MAST3: variants seen among roughly 807,000 people sequenced by gnomAD.
The protein encoded by MAST3 is microtubule associated serine/threonine kinase 3.
Under a neutral mutation model 127.0 loss-of-function variants are expected in MAST3, and 43 were observed. The observed-to-expected ratio is 0.34, with a 90% CI of 0.27 to 0.44. MAST3 has a LOEUF of 0.44. Ranked by LOEUF, MAST3 falls within the 20% of genes least tolerant of loss-of-function variation. The pLI, the probability that MAST3 is intolerant of heterozygous loss-of-function variation, is 1.00. For missense variants in MAST3, 1,390 were observed against 1,919.1 expected (o/e 0.72, Z 5.15); for synonymous variants, 785 against 809.2 (o/e 0.97, Z 0.51).
At chr19:18,143,379 C>T (rs905629337) in intron 21 of MAST3, among the ~76,000 whole-genome samples, 4 of 152,138 alleles carry the variant, frequency 2.6e-5, no homozygotes, top group Non-Finnish European at 4.4e-5. Flanking sequence ...AATTCAAGAC[C>T]AGTCTGGCCA....
Position 18,145,924 on chromosome 19 carries a change from C to T in MAST3, c.3162+59C>T, listed in dbSNP as rs943165515. ...CCCAGCACCCCTTGGCCGCAGCTCC[C>T]GGTTCCCCGTGGTTCTCCGCGTCCA... On this transcript the variant is annotated intron_variant, in intron 25 of 27. Transcript: ENST00000687212. This position sits in a 1 kb window ranked among gnomAD's most constrained non-coding sequence, Gnocchi z 5.9. 2.2e-5 allele frequency: 34 copies of T among 1,511,528 alleles called. No homozygotes were observed. The South Asian group carries it at 3.0e-4, about 13-fold the overall frequency. The allele number at this position is 1,511,528 out of a possible 1,614,324, so 93.6% of individuals were successfully genotyped here. A position where few individuals can be genotyped will look rare whatever the true frequency, so the allele number is the denominator to read the frequency against.
chr19:18,135,854 G>A lies in MAST3; in HGVS notation c.1972+13G>A, dbSNP rs1240155706. Reference sequence around the variant, plus strand: ...CGTCTGGGCACTGGTATGTAGTGTGGGGGAGAACCCAGGTGGGTGGCTCCT... The same window carrying A: ...CGTCTGGGCACTGGTATGTAGTGTGAGGGAGAACCCAGGTGGGTGGCTCCT... On this transcript the variant is annotated intron_variant, in intron 18 of 27. Coordinates refer to ENST00000687212, the MANE Select transcript of MAST3 (RefSeq NM_001393504.1). 1.9e-6 allele frequency: 3 copies of A among 1,586,480 alleles called. No individual in the cohort carries two copies. Among genetic ancestry groups the A allele is most frequent in the Non-Finnish European group, 1.7e-6 (2 of 1,163,392 alleles).
At chr19:18,133,724 T>C (rs1328462550) in intron 15 of MAST3, among the ~76,000 whole-genome samples, 1 of 152,036 alleles carries the variant, frequency 6.6e-6, no homozygotes, top group Non-Finnish European at 1.5e-5. Context: ...CAGATAATTT[T>C]TGTATTTTTA....
intron 5 of MAST3, among the ~76,000 whole-genome samples, 199 bp from the exon 6 acceptor site, chr19:18,122,473 CG>C (rs55849352): frequency 0.073 from 10,880 of 149,968 alleles, 1,273 homozygotes; most frequent in African/African-American, 0.25. Flanking sequence ...GCTGGACTCA[CG>C]GGGGGGCTTC....
At chr19:18,111,284 A>G (rs1260119532) in intron 3 of MAST3, among the ~76,000 whole-genome samples, 1 of 131,514 alleles carries the variant, frequency 7.6e-6, no homozygotes, top group Non-Finnish European at 1.6e-5. Context: ...GATTCAGTCC[A>G]TCCCCCGGGG....
chr19:18,135,793 C>T lies in MAST3; in HGVS notation c.1924C>T (p.Leu642Phe). The T allele has an allele frequency of 6.2e-7, 1 of 1,612,198 alleles. No individual in the cohort carries two copies. Among genetic ancestry groups the T allele is most frequent in the Non-Finnish European group, 8.5e-7 (1 of 1,179,136 alleles). Residue 642 changes from leucine to phenylalanine, a missense_variant, in exon 18 of 28, where the codon CTC becomes TTC. Around this residue, in one of 5 missense-constraint regions of MAST3, gnomAD observed 191 missense variants for 409.0 expected, o/e 0.47. Transcript: ENST00000687212. ...DEALPADAQD[L>F]ITRLLRQSPL... is the part of the protein sequence containing the mutation. The stretch of plus-strand genomic sequence containing the variant: ...GGCCCTTCCAGCAGACGCCCAGGAC[C>T]TCATCACCAGGTTGCTCCGGCAGAG...
intron 19 of MAST3, 21 bp from the exon 20 acceptor site, chr19:18,138,994 A>G (rs770422069): frequency 6.6e-7 from 1 of 1,517,850 alleles, no homozygotes; most frequent in South Asian, 1.2e-5. Flanking sequence ...GGCGTGCTGC[A>G]TGTGCCTCTC....
chr19:18,125,623 C>T (rs1250376878), intron 11 of MAST3, among the ~76,000 whole-genome samples: 1 of 151,358 alleles, frequency 6.6e-6, no homozygotes. Flanking sequence ...TGCCTGTAAT[C>T]CCAGCTACTC....
chr19:18,144,818 A>G lies in MAST3; in HGVS notation c.2812+125A>G, dbSNP rs992654076. ...GAAGAGGGGAGGAGGAGTAGGACAC[A>G]TGGAGAGCTGGGGAGATGGTGTTCC... On this transcript the variant is annotated intron_variant, in intron 23 of 27. Transcript: ENST00000687212. The surrounding 1 kb of genome is among the most constrained non-coding windows in gnomAD (Gnocchi z 4.0). The G allele has an allele frequency of 3.7e-6, 4 of 1,094,826 alleles. No homozygotes were observed. Among genetic ancestry groups the G allele is most frequent in the Non-Finnish European group, 5.4e-6 (4 of 738,826 alleles). 67.8% of individuals were successfully genotyped at this position (1,094,826 alleles called of 1,614,324 possible).
At chr19:18,142,420 C>T (rs186457208) in intron 21 of MAST3, among the ~76,000 whole-genome samples, 2,536 of 143,034 alleles carry the variant, frequency 0.018, 81 homozygotes, top group African/African-American at 0.062. Context: ...GGCGCAATCT[C>T]GGCTCACTGC....
chr19:18,107,696 T>C, intron 2 of MAST3, 78 bp downstream of exon 2: 2 of 1,368,672 alleles, frequency 1.5e-6, no homozygotes, highest in Non-Finnish European at 2.1e-6. Context: ...AGCCACTGAA[T>C]TGTGAATGTA....
At chr19:18,132,135 T>G in intron 15 of MAST3, 88 bp downstream of exon 15, 1 of 1,547,192 alleles carries the variant, frequency 6.5e-7, no homozygotes, top group South Asian at 1.2e-5. Context: ...GGGCAGAGCC[T>G]CTGAGGTGCA....
At chr19:18,117,231 T>C (rs867524655) in intron 3 of MAST3, among the ~76,000 whole-genome samples, 50 of 152,196 alleles carry the variant, frequency 3.3e-4, no homozygotes, top group African/African-American at 1.2e-3. Flanking sequence ...TGCTATCGTT[T>C]ATAGAGATAA....
rs1167902456 is a variant in MAST3 at position 18,144,725 on chromosome 19, G to C, written c.2812+32G>C. ...CCCAAGGCCCCTCTCACCTTTGTCT[G>C]TCTGCACCCATTTTCACCAACAGGG... is the stretch of plus-strand genomic sequence containing the variant. On this transcript the variant is annotated intron_variant, in intron 23 of 27. Coordinates refer to ENST00000687212, the MANE Select transcript of MAST3 (RefSeq NM_001393504.1). This position sits in a 1 kb window ranked among gnomAD's most constrained non-coding sequence, Gnocchi z 4.0. The C allele has an allele frequency of 2.5e-6, 4 of 1,599,022 alleles. No homozygotes were observed. In the Admixed American group the frequency reaches 5.0e-5, roughly 20 times the overall value.
At chr19:18,098,870 G>T (rs2037277464) in intron 1 of MAST3, 1 of 453,090 alleles carries the variant, frequency 2.2e-6, no homozygotes, top group Non-Finnish European at 4.4e-6. Context: ...GGAGGTAGAC[G>T]CCAGAGCAGC....
chr19:18,139,938 G>A (rs1257685688), intron 20 of MAST3, among the ~76,000 whole-genome samples: 1 of 148,700 alleles, frequency 6.7e-6, no homozygotes, highest in Non-Finnish European at 1.5e-5. Context: ...TCCTGCCTCA[G>A]CCTCCCAAGT....
intron 14 of MAST3, 46 bp from the exon 15 acceptor site, chr19:18,131,863 G>GGTGGGGGT: frequency 6.7e-7 from 1 of 1,487,352 alleles, no homozygotes; most frequent in Non-Finnish European, 9.1e-7. Context: ...GCGGGCGGGG[G>GGTGGGGGT]GCGGGGGTGC....
rs372329938 is a variant in MAST3, at chr19:18,143,102, A to G, written c.2340-661A>G. ...ACTCCGGCCGGGGTGACAGAGCGAG[A>G]CTCTGTCTCAAAAAAAAAAAACAAA... On this transcript the variant is annotated intron_variant, in intron 21 of 27. Coordinates refer to ENST00000687212, the MANE Select transcript of MAST3 (RefSeq NM_001393504.1). Among the ~76,000 whole-genome samples the G allele has an allele frequency of 2.1e-3, 239 of 116,534 alleles. 4 individuals are homozygous for G. The highest frequency in any genetic ancestry group is 7.7e-3 in the African/African-American group (227 of 29,552). The allele number at this position is 116,534 out of a possible 152,430, so 76.5% of individuals were successfully genotyped here. A position where few individuals can be genotyped will look rare whatever the true frequency, so the allele number is the denominator to read the frequency against.
intron 21 of MAST3, among the ~76,000 whole-genome samples, 153 bp downstream of exon 21, chr19:18,142,168 C>A (rs1019204232): frequency 6.6e-6 from 1 of 152,018 alleles, no homozygotes; most frequent in African/African-American, 2.4e-5. Context: ...AACCTTGCTC[C>A]CTTTGGCTCT....
Sources: allele counts gnomAD v4.1 joint callset (sites outside exome capture counted in the v4.1 genomes callset), GRCh38; gene constraint gnomAD v4.1.1; regional missense constraint gnomAD v4.1.1; non-coding constraint Gnocchi (gnomAD v3.1); transcripts MANE v1.5; gene names NCBI Gene and HGNC (gene_info 2026-07-23, HGNC 2026-07-21).